NRXN3: variants seen among roughly 807,000 people sequenced by gnomAD.
NRXN3 encodes the protein neurexin 3.
NRXN3 carries 32 observed loss-of-function variants against 137.6 expected under a neutral mutation model. The observed-to-expected ratio is 0.23, with a 90% CI of 0.18 to 0.31. The LOEUF (loss-of-function observed/expected upper bound fraction) is 0.31, where lower values mean the gene tolerates loss of function less well. NRXN3 is among the 10% of genes least tolerant of loss of function. NRXN3 has a pLI of 1.00. For synonymous variants in NRXN3, 798 were observed against 784.5 expected (o/e 1.02, Z -0.29); for missense variants, 1,574 against 2,062.5 (o/e 0.76, Z 4.59).
chr14:79,044,825 G>GTTTTTTTTTTTTTT (rs5809914), intron 15 of NRXN3, among the ~76,000 whole-genome samples: 1 of 139,624 alleles, frequency 7.2e-6, no homozygotes, highest in Non-Finnish European at 1.6e-5. Context: ...AGCACCTCTA[G>GTTTTTTTTTTTTTT]TTTTTTTTTT....
chr14:79,517,529 G>A (rs1376739709), intron 16 of NRXN3, among the ~76,000 whole-genome samples: 1 of 152,010 alleles, frequency 6.6e-6, no homozygotes, highest in African/African-American at 2.4e-5. Context: ...TTAGAAGGGA[G>A]GACTTCATAT....
chr14:79,213,638 C>T (rs990816199), intron 15 of NRXN3, among the ~76,000 whole-genome samples: 16 of 149,084 alleles, frequency 1.1e-4, no homozygotes, highest in East Asian at 4.0e-4. Flanking sequence ...GGGGGGGTGG[C>T]GGGAACAAAA....
chr14:78,394,850 GTAT>G (rs2153646264), intron 4 of NRXN3, among the ~76,000 whole-genome samples: 1 of 151,860 alleles, frequency 6.6e-6, no homozygotes, highest in African/African-American at 2.4e-5. Context: ...ATTTATGTAA[GTAT>G]TATCAAATTT....
intron 10 of NRXN3, among the ~76,000 whole-genome samples, chr14:78,885,172 A>G (rs1418889289): frequency 1.3e-5 from 2 of 148,434 alleles, no homozygotes; most frequent in African/African-American, 4.9e-5. Flanking sequence ...TGTAAAATAT[A>G]TAAATATACA....
chr14:79,339,610 A>G (rs1427158355), intron 15 of NRXN3, among the ~76,000 whole-genome samples: 1 of 152,184 alleles, frequency 6.6e-6, no homozygotes, highest in Admixed American at 6.6e-5. Flanking sequence ...TTCAGATGTA[A>G]TGAATTAGAA....
chr14:78,246,213 G>A (rs535933264), intron 2 of NRXN3, among the ~76,000 whole-genome samples: 4 of 151,774 alleles, frequency 2.6e-5, no homozygotes, highest in Non-Finnish European at 4.4e-5. Context: ...GCACTTTTCC[G>A]CAGGAAAAAA....
intron 8 of NRXN3, among the ~76,000 whole-genome samples, chr14:78,780,065 T>G (rs751860321): frequency 1.3e-5 from 2 of 152,106 alleles, no homozygotes; most frequent in Non-Finnish European, 2.9e-5. Context: ...CAAGGCATGT[T>G]TTATCCCCAA....
intron 19 of NRXN3, among the ~76,000 whole-genome samples, chr14:79,804,341 C>T (rs928400754): frequency 2.0e-5 from 3 of 152,136 alleles, no homozygotes; most frequent in Non-Finnish European, 4.4e-5. Context: ...GCTCTTCTCA[C>T]AGCTGATACT....
intron 4 of NRXN3, among the ~76,000 whole-genome samples, chr14:78,440,090 G>A (rs1029454990): frequency 2.6e-5 from 4 of 152,216 alleles, no homozygotes; most frequent in African/African-American, 9.6e-5. Flanking sequence ...GTAGAAGGCC[G>A]CATTTGTTTT....
intron 15 of NRXN3, among the ~76,000 whole-genome samples, chr14:79,133,462 G>C (rs1354867206): frequency 6.6e-6 from 1 of 152,056 alleles, no homozygotes; most frequent in Non-Finnish European, 1.5e-5. Flanking sequence ...ATCTATGAAA[G>C]TTCATAAGTA....
chr14:79,296,483 C>T (rs747321907), intron 15 of NRXN3, among the ~76,000 whole-genome samples: 4 of 150,750 alleles, frequency 2.7e-5, no homozygotes, highest in Non-Finnish European at 5.9e-5. Context: ...GAATCAGTGA[C>T]TCCATTTGCT....
At chr14:78,498,235 G>A (rs2095821024) in intron 4 of NRXN3, among the ~76,000 whole-genome samples, 1 of 152,212 alleles carries the variant, frequency 6.6e-6, no homozygotes, top group African/African-American at 2.4e-5. Flanking sequence ...GGTGCAGTGA[G>A]CCAGGGACAG....
intron 10 of NRXN3, among the ~76,000 whole-genome samples, chr14:78,929,315 C>T (rs1359105200): frequency 6.6e-6 from 1 of 152,022 alleles, no homozygotes; most frequent in East Asian, 1.9e-4. Flanking sequence ...ATAATTAAGC[C>T]TAGTACCCAT....
In NRXN3 at chr14:78,967,334, C is replaced by T. The variant is rs1388789209; in HGVS notation, c.2904C>T (p.Ser968=). 1.2e-6 allele frequency: 2 copies of T among 1,613,906 alleles called. No individual in the cohort carries two copies. Among genetic ancestry groups the T allele is most frequent in the Admixed American group, 1.7e-5 (1 of 59,996 alleles). The part of the protein sequence containing the change: ...VITRDNSNTH[S]LKVDTKVVTQ... Reference sequence around the variant, plus strand: ...CTCGGGACAATAGTAACACTCATAGCCTGAAAGTGGACACCAAAGTGGTCA... The same window carrying T: ...CTCGGGACAATAGTAACACTCATAGTCTGAAAGTGGACACCAAAGTGGTCA... The change falls in exon 13 of 21, where the codon AGC becomes AGT. Residue 968 remains serine, a synonymous_variant. Transcript: ENST00000335750.
intron 16 of NRXN3, among the ~76,000 whole-genome samples, chr14:79,642,123 C>G (rs1275186421): frequency 7.4e-6 from 1 of 135,784 alleles, no homozygotes; most frequent in Non-Finnish European, 1.7e-5. Flanking sequence ...TTTATTAAAG[C>G]AGGGTATTTA....
intron 15 of NRXN3, among the ~76,000 whole-genome samples, chr14:79,360,997 AAT>A (rs2093662746): frequency 1.3e-5 from 2 of 152,348 alleles, no homozygotes; most frequent in South Asian, 4.1e-4. Context: ...TAGTCCTTTA[AAT>A]ATGAGTGAGG....
chr14:79,174,633 TAA>T (rs200938930), intron 15 of NRXN3, among the ~76,000 whole-genome samples: 19 of 140,146 alleles, frequency 1.4e-4, no homozygotes, highest in Admixed American at 2.9e-4. Context: ...TGCGGTGGTT[TAA>T]AAAAAAAAAA....
At chr14:78,678,563 C>G (rs1482264351) in intron 6 of NRXN3, among the ~76,000 whole-genome samples, 1 of 152,080 alleles carries the variant, frequency 6.6e-6, no homozygotes, top group Non-Finnish European at 1.5e-5. Context: ...TAGGTATTGC[C>G]AAATTGCTTT....
intron 19 of NRXN3, among the ~76,000 whole-genome samples, chr14:79,789,342 C>T (rs897885885): frequency 4.6e-5 from 7 of 151,998 alleles, no homozygotes; most frequent in East Asian, 1.9e-4. Flanking sequence ...GGAGGTGTGA[C>T]GGGGAGCAGG....
Sources: gnomAD v4.1 joint callset for allele counts (sites outside exome capture counted in the v4.1 genomes callset) on GRCh38, gnomAD v4.1.1 for gene constraint, MANE v1.5 for transcripts, NCBI Gene and HGNC (gene_info 2026-07-23, HGNC 2026-07-21) for gene names.